The following CELF2 variants were observed in gnomAD, a reference collection of about 807,000 sequenced individuals.
CELF2 encodes CUGBP Elav-like family member 2.
Under a neutral mutation model 62.6 loss-of-function variants are expected in CELF2, and 8 were observed. The observed-to-expected ratio is 0.13, with a 90% CI of 0.07 to 0.23. The LOEUF (loss-of-function observed/expected upper bound fraction) is 0.23, where lower values mean the gene tolerates loss of function less well. Ranked by LOEUF, CELF2 falls within the 10% of genes least tolerant of loss-of-function variation. The probability of loss-of-function intolerance (pLI) is 1.00; values close to 1 mark genes in which losing one functional copy is unlikely to be tolerated. For synonymous variants in CELF2, 258 were observed against 250.0 expected, an observed-to-expected ratio of 1.03 and a Z score of -0.30; for missense variants, 333 against 671.0, an observed-to-expected ratio of 0.50 and a Z score of 5.56.
chr10:10,685,717 G>T, the CELF2 span, among the ~76,000 whole-genome samples: 1 of 152,186 alleles, frequency 6.6e-6, no homozygotes, highest in Non-Finnish European at 1.5e-5. Flanking sequence ...AAAGAAGCCA[G>T]TTCCTTCTTT....
At chr10:10,468,178 G>A in the CELF2 span, among the ~76,000 whole-genome samples, 1 of 152,020 alleles carries the variant, frequency 6.6e-6, no homozygotes, top group African/African-American at 2.4e-5. Flanking sequence ...TTGTTTTGGT[G>A]AAGGACTCTA....
chr10:11,066,799 C>T (rs1190436572), intron 1 of CELF2, among the ~76,000 whole-genome samples: 5 of 152,070 alleles, frequency 3.3e-5, no homozygotes, highest in African/African-American at 1.2e-4. Context: ...AGCATGGTTT[C>T]CTAGGTGCCA....
At chr10:10,508,984 T>A in the CELF2 span, among the ~76,000 whole-genome samples, 1 of 152,108 alleles carries the variant, frequency 6.6e-6, no homozygotes, top group Non-Finnish European at 1.5e-5. Flanking sequence ...CAGATATATA[T>A]TTTCAATTAA....
intron 8 of CELF2, among the ~76,000 whole-genome samples, chr10:11,279,850 A>G (rs942218961): frequency 1.3e-5 from 2 of 152,192 alleles, no homozygotes; most frequent in Non-Finnish European, 2.9e-5. Flanking sequence ...ATGAAAGTTG[A>G]ATCCCTGTAT....
At chr10:10,857,680 TA>T (rs2059820972) in intron 1 of CELF2, among the ~76,000 whole-genome samples, 2 of 139,560 alleles carry the variant, frequency 1.4e-5, no homozygotes, top group African/African-American at 2.6e-5. Context: ...TATATATATA[TA>T]TTTTACCTCA....
At chr10:10,552,821 C>T in the CELF2 span, among the ~76,000 whole-genome samples, 9 of 152,254 alleles carry the variant, frequency 5.9e-5, no homozygotes, top group East Asian at 1.9e-4. Flanking sequence ...AACAAAACAC[C>T]GCAGATGAGG....
At chr10:10,552,212 T>C in the CELF2 span, among the ~76,000 whole-genome samples, 3,585 of 152,292 alleles carry the variant, frequency 0.024, 65 homozygotes, top group Middle Eastern at 0.11. Flanking sequence ...TTCATGGCAG[T>C]GAGTCCTTGG....
chr10:10,605,110 T>C, the CELF2 span, among the ~76,000 whole-genome samples: 1 of 152,224 alleles, frequency 6.6e-6, no homozygotes, highest in African/African-American at 2.4e-5. Flanking sequence ...AATGAGATCA[T>C]GTCCTTTGCA....
chr10:10,696,736 G>A, the CELF2 span, among the ~76,000 whole-genome samples: 2 of 152,180 alleles, frequency 1.3e-5, no homozygotes, highest in African/African-American at 2.4e-5. Flanking sequence ...TCGGAAAAGC[G>A]CAGTATTTGG....
upstream of CELF2, among the ~76,000 whole-genome samples, chr10:10,793,969 C>A (rs1182338522): frequency 6.7e-6 from 1 of 148,224 alleles, no homozygotes; most frequent in Non-Finnish European, 1.5e-5. Context: ...ACAATGTTTT[C>A]TTTTTTTTGT....
chr10:10,504,420 A>C, the CELF2 span, among the ~76,000 whole-genome samples: 1 of 152,118 alleles, frequency 6.6e-6, no homozygotes, highest in Non-Finnish European at 1.5e-5. Context: ...TGCTGATGAG[A>C]AATCGATAGT....
At chr10:10,941,583 A>G (rs1050690331) in intron 2 of CELF2, among the ~76,000 whole-genome samples, 4 of 152,232 alleles carry the variant, frequency 2.6e-5, no homozygotes, top group Non-Finnish European at 5.9e-5. Context: ...AGCTAGAGAA[A>G]ACAACAGCCA....
At chr10:10,991,337 C>T (rs2053417591) in intron 2 of CELF2, among the ~76,000 whole-genome samples, 2 of 152,172 alleles carry the variant, frequency 1.3e-5, no homozygotes, top group Non-Finnish European at 2.9e-5. Context: ...TCCTAAGAAG[C>T]AATTCTGATG....
chr10:10,845,180 A>G (rs1003489733), intron 1 of CELF2, among the ~76,000 whole-genome samples: 3 of 152,092 alleles, frequency 2.0e-5, no homozygotes, highest in African/African-American at 7.2e-5. Context: ...TTGCTTGAGT[A>G]TTCAGTGTCT....
At chr10:10,804,863 T>A (rs539961856) in intron 1 of CELF2, among the ~76,000 whole-genome samples, 19 of 152,204 alleles carry the variant, frequency 1.2e-4, no homozygotes, top group Non-Finnish European at 2.4e-4. Flanking sequence ...GCATCCCAGA[T>A]TCACAGAGGA....
At chr10:10,767,400 T>G in the CELF2 span, among the ~76,000 whole-genome samples, 4 of 152,164 alleles carry the variant, frequency 2.6e-5, no homozygotes, top group Non-Finnish European at 5.9e-5. Flanking sequence ...CCTGAGGGTA[T>G]GTTTTCAAGA....
Position 11,270,619 on chromosome 10 carries a change from C to T in CELF2, c.619-47C>T, listed in dbSNP as rs748203038. On this transcript the variant is annotated intron_variant, in intron 6 of 12. Coordinates refer to ENST00000633077, the MANE Select transcript of CELF2 (RefSeq NM_001326342.2). The surrounding 1 kb of genome is among the most constrained non-coding windows in gnomAD (Gnocchi z 5.8). ...GGTGCTGAGTGTCGTGAGCGGATTC[C>T]GCCAGCCTGTAACCCCCTCTCCACT... is the stretch of plus-strand genomic sequence containing the variant. 3 of 1,376,804 alleles carry T rather than the reference C, an allele frequency of 2.2e-6. No individual in the cohort carries two copies. Among genetic ancestry groups the T allele is most frequent in the South Asian group, 1.9e-5 (1 of 51,800 alleles). 85.3% of individuals were successfully genotyped at this position (1,376,804 alleles called of 1,614,324 possible).
In CELF2 at chr10:10,899,547, T is replaced by C. The variant is rs950741930; in HGVS notation, c.54-20417T>C. On this transcript the variant is annotated intron_variant, in intron 1 of 13. Coordinates refer to the CELF2 transcript ENST00000636488. Reference sequence around the variant, plus strand: ...GGGCCACAAATTGTCTATGTCATGGTTTTTTTCCCCCAACCTTTAAAAATG... The same window carrying C: ...GGGCCACAAATTGTCTATGTCATGGCTTTTTTCCCCCAACCTTTAAAAATG... Among the ~76,000 whole-genome samples the C allele has an allele frequency of 2.0e-5, 3 of 151,818 alleles. No individual in the cohort carries two copies. In the East Asian group the frequency reaches 6.1e-4, roughly 31 times the overall value.
the CELF2 span, among the ~76,000 whole-genome samples, chr10:10,511,235 C>G: frequency 6.6e-6 from 1 of 152,126 alleles, no homozygotes; most frequent in Non-Finnish European, 1.5e-5. Context: ...AATGGCAAAA[C>G]TCCATCTCTA....
Sources: allele counts gnomAD v4.1 joint callset (sites outside exome capture counted in the v4.1 genomes callset), GRCh38; gene constraint gnomAD v4.1.1; non-coding constraint Gnocchi (gnomAD v3.1); transcripts MANE v1.5; gene names NCBI Gene and HGNC (gene_info 2026-07-23, HGNC 2026-07-21).